The following DDX42 variants were observed in gnomAD, a reference collection of about 807,000 sequenced individuals.
The protein encoded by DDX42 is DEAD-box helicase 42.
Under a neutral mutation model 101.5 loss-of-function variants are expected in DDX42, and 22 were observed. The ratio of observed to expected loss-of-function variants is 0.22; its 90% CI spans 0.15 to 0.31. The LOEUF (loss-of-function observed/expected upper bound fraction) is 0.31. DDX42 is among the 10% of genes least tolerant of loss of function. The probability of loss-of-function intolerance (pLI) is 1.00; values close to 1 mark genes in which losing one functional copy is unlikely to be tolerated. For synonymous variants in DDX42, 402 were observed against 401.2 expected, an observed-to-expected ratio of 1.00 and a Z score of -0.02; for missense variants, 849 against 1,199.9, an observed-to-expected ratio of 0.71 and a Z score of 4.32.
rs188099410 is a variant in DDX42, at chr17:63,788,380, C to T, written c.221+1110C>T. Among the ~76,000 whole-genome samples, 776 of 147,402 alleles carry T rather than the reference C, an allele frequency of 5.3e-3. 19 individuals are homozygous for T. The highest frequency in any genetic ancestry group is 0.018 in the African/African-American group (707 of 39,380). ...GGAATGCAGTAGCGCGATCTTGGCT[C>T]ACTGCAACCTCCGCCTCCCAGGTTC... On this transcript the variant is annotated intron_variant, in intron 2 of 17. Transcript: ENST00000389924.
chr17:63,812,259 T>C (rs1403893524), intron 14 of DDX42, 51 bp downstream of exon 14: 1 of 1,572,296 alleles, frequency 6.4e-7, no homozygotes, highest in Non-Finnish European at 8.6e-7. Context: ...ATAAGGGTAC[T>C]CTGTCTTACT....
rs746196283 is a variant in DDX42, at chr17:63,808,942, T to C, written c.1146T>C (p.Cys382=). 38 of 1,613,800 alleles carry C rather than the reference T, an allele frequency of 2.4e-5. No homozygotes were observed. Among genetic ancestry groups the C allele is most frequent in the Non-Finnish European group, 3.2e-5 (38 of 1,179,812 alleles). ...AGGAGGGGGCAGAGATTGTTGTGTGTACCCCAGTAAGTATGCCTTGTGTTT... is the reference window on the plus strand; with the variant it reads ...AGGAGGGGGCAGAGATTGTTGTGTGCACCCCAGTAAGTATGCCTTGTGTTT... ...ALQEGAEIVV[C]TPGRLIDHVK... The change falls in exon 10 of 18, where the codon TGT becomes TGC. Residue 382 remains cysteine, a synonymous_variant. Transcript: ENST00000389924.
At chr17:63,796,023 G>A (rs2039688657) in intron 3 of DDX42, among the ~76,000 whole-genome samples, 1 of 152,244 alleles carries the variant, frequency 6.6e-6, no homozygotes. Flanking sequence ...TAGTTAATAT[G>A]TTAAGTGATT....
At position 63,818,280 on chromosome 17, in the gene DDX42, T is replaced by C. The variant is rs2040004366; in HGVS notation, c.2699T>C (p.Met900Thr). 4 of 1,613,870 alleles carry C rather than the reference T, an allele frequency of 2.5e-6. No individual in the cohort carries two copies. The South Asian group carries it at 4.4e-5, about 18-fold the overall frequency. ...CGTGAGAGCAAGATGGAGCCCAAGA[T>C]GGAACCCAAAGTGGACAGCAGCAAG... Reference protein sequence around the residue: ...FNRESKMEPKMEPKVDSSKMD... With the variant: ...FNRESKMEPKTEPKVDSSKMD... Residue 900 changes from methionine (M) to threonine (T), a missense_variant, in exon 18 of 18, where the codon ATG becomes ACG. Coordinates refer to ENST00000389924, the MANE Select transcript of DDX42 (RefSeq NM_203499.3).
intron 5 of DDX42, 104 bp downstream of exon 5, chr17:63,799,729 C>A: frequency 1.7e-6 from 2 of 1,154,730 alleles, no homozygotes; most frequent in Non-Finnish European, 2.5e-6. Flanking sequence ...TCCTGACATT[C>A]AGCAGGGAAT....
chr17:63,804,962 G>T, intron 6 of DDX42, 109 bp from the exon 7 acceptor site: 1 of 1,364,332 alleles, frequency 7.3e-7, no homozygotes. Context: ...TTCTCTAGCT[G>T]GAATGGCTTT....
chr17:63,816,728 C>T, intron 16 of DDX42, 140 bp from the exon 17 acceptor site: 2 of 518,590 alleles, frequency 3.9e-6, no homozygotes, highest in Non-Finnish European at 6.5e-6. Context: ...TGTCTTTTCT[C>T]ACAAAGCAGT....
At position 63,793,874 on chromosome 17, in the gene DDX42, ATATAT is replaced by A. The variant is rs879550446; in HGVS notation, c.372+1313_372+1317del. 0.015 allele frequency among the ~76,000 whole-genome samples: 2,167 copies of A among 148,522 alleles called. 118 individuals carry two copies. In the East Asian group the frequency reaches 0.16, roughly 11 times the overall value. On this transcript the variant is annotated intron_variant, in intron 3 of 17. Coordinates refer to ENST00000389924, the MANE Select transcript of DDX42 (RefSeq NM_203499.3). ...GAAAAATTTATATATATATATATAT[ATATAT>A]AATTTTTTAACTGATAACAAAACCG... is the stretch of plus-strand genomic sequence containing the variant.
intron 13 of DDX42, chr17:63,811,539 C>A: frequency 2.7e-6 from 1 of 363,942 alleles, no homozygotes; most frequent in Non-Finnish European, 5.0e-6. Context: ...TAGGGGCCTA[C>A]GCAGGAGGGA....
intron 16 of DDX42, 60 bp from the exon 17 acceptor site, chr17:63,816,808 C>CT: frequency 7.2e-7 from 1 of 1,391,890 alleles, no homozygotes; most frequent in East Asian, 2.4e-5. Flanking sequence ...GAGGCCTAGT[C>CT]TATAGCAGTG....
chr17:63,804,411 A>C (rs927097615), intron 6 of DDX42, among the ~76,000 whole-genome samples: 2 of 152,226 alleles, frequency 1.3e-5, no homozygotes, highest in African/African-American at 4.8e-5. Flanking sequence ...GGAATTGGAA[A>C]TTCTTGGCCA....
chr17:63,818,498 C>A lies in DDX42; in HGVS notation c.*100C>A. On this transcript the variant is annotated 3_prime_UTR_variant, in exon 18 of 18. Transcript: ENST00000389924. Reference sequence around the variant, plus strand: ...TGGGTTGGGGTCCAAAGTGTAAGGACCCCCTGCCCTTAGTGGAGAGCTGGA... The same window carrying A: ...TGGGTTGGGGTCCAAAGTGTAAGGAACCCCTGCCCTTAGTGGAGAGCTGGA... The A allele has an allele frequency of 9.2e-7, 1 of 1,088,348 alleles. No homozygotes were observed. Among genetic ancestry groups the A allele is most frequent in the Non-Finnish European group, 1.3e-6 (1 of 775,784 alleles). The allele number at this position is 1,088,348 out of a possible 1,614,324, so 67.4% of individuals were successfully genotyped here.
Position 63,817,993 on chromosome 17 carries a change from C to T in DDX42, c.2412C>T (p.Asn804=), listed in dbSNP as rs756967407. 3.1e-5 allele frequency: 50 copies of T among 1,613,860 alleles called. No individual in the cohort carries two copies. Among genetic ancestry groups the T allele is most frequent in the East Asian group, 2.9e-4 (13 of 44,902 alleles). ...GCCGAGAAGGGACTGGGGGCAGCAA[C>T]GGGAAAAGAGAGAGATATACTGAGA... ...NNSREGTGGS[N]GKRERYTENR... The change falls in exon 18 of 18, where the codon AAC becomes AAT. Residue 804 remains asparagine (N), a synonymous_variant. Transcript: ENST00000389924.
chr17:63,787,262 A>G lies in DDX42; in HGVS notation c.213A>G (p.Glu71=). The change falls in exon 2 of 18, where the codon GAA becomes GAG. Residue 71 remains glutamate (E), a synonymous_variant. Coordinates refer to ENST00000389924, the MANE Select transcript of DDX42 (RefSeq NM_203499.3). ...KIGSKRANFD[E]ENAYFEDEEE... is the part of the protein sequence containing the mutation. ...GATCTAAGCGGGCCAACTTTGATGA[A>G]GAAAATGCGTAAGTGGTAATTCCTG... 2 of 1,614,214 alleles carry G rather than the reference A, an allele frequency of 1.2e-6. No individual in the cohort carries two copies. The highest frequency in any genetic ancestry group is 1.7e-6 in the Non-Finnish European group (2 of 1,180,024).
At chr17:63,804,327 G>A (rs1031245655) in intron 6 of DDX42, among the ~76,000 whole-genome samples, 2 of 151,972 alleles carry the variant, frequency 1.3e-5, no homozygotes, top group Admixed American at 6.6e-5. Flanking sequence ...ATTGATAGGT[G>A]GTGATGTGCT....
At chr17:63,802,460 T>C (rs2039782860) in intron 6 of DDX42, among the ~76,000 whole-genome samples, 3 of 152,248 alleles carry the variant, frequency 2.0e-5, no homozygotes, top group Admixed American at 2.0e-4. Flanking sequence ...AAGTGTTTAT[T>C]ACCCATGATA....
chr17:63,815,233 C>T (rs914821367), intron 15 of DDX42, among the ~76,000 whole-genome samples: 2 of 152,148 alleles, frequency 1.3e-5, no homozygotes, highest in African/African-American at 2.4e-5. Context: ...AAAATATAAG[C>T]TCATTTTCCT....
intron 1 of DDX42, among the ~76,000 whole-genome samples, chr17:63,780,280 G>A (rs2039471253): frequency 6.9e-6 from 1 of 145,312 alleles, no homozygotes; most frequent in Admixed American, 6.9e-5. Flanking sequence ...TGGGCAACAA[G>A]AGCGAAACTG....
chr17:63,810,600 A>T (rs2039898226), intron 12 of DDX42, 40 bp downstream of exon 12: 1 of 1,583,544 alleles, frequency 6.3e-7, no homozygotes, highest in South Asian at 1.1e-5. Context: ...ATTTGTACTA[A>T]AAAGGGCACT....
Sources: allele counts gnomAD v4.1 joint callset (sites outside exome capture counted in the v4.1 genomes callset), GRCh38; gene constraint gnomAD v4.1.1; transcripts MANE v1.5; gene names NCBI Gene and HGNC (gene_info 2026-07-23, HGNC 2026-07-21).